FBXL7: variants seen among roughly 807,000 people sequenced by gnomAD.
The protein encoded by FBXL7 is F-box and leucine rich repeat protein 7, also known as F-box/LRR-repeat protein 7.
A neutral mutation model predicts 38.3 loss-of-function variants in FBXL7; 12 were observed. That is an observed-to-expected ratio of 0.31 (90% CI 0.20 to 0.51). The LOEUF (loss-of-function observed/expected upper bound fraction) is 0.51. Among genes scored for constraint, FBXL7 ranks in the 20% least tolerant of loss-of-function variants. FBXL7 has a pLI of 0.98. For synonymous variants in FBXL7, 297 were observed against 300.9 expected (o/e 0.99, Z 0.13); for missense variants, 567 against 676.4 (o/e 0.84, Z 1.79).
chr5:15,731,317 G>T (rs1735577372), intron 2 of FBXL7, among the ~76,000 whole-genome samples: 2 of 152,170 alleles, frequency 1.3e-5, no homozygotes, highest in Non-Finnish European at 1.5e-5. Context: ...GAAGGCAAGG[G>T]GGCATAAGTC....
chr5:15,712,637 G>A (rs909240974), intron 2 of FBXL7, among the ~76,000 whole-genome samples: 4 of 151,790 alleles, frequency 2.6e-5, no homozygotes, highest in African/African-American at 9.7e-5. Context: ...AAATTTCTAT[G>A]GAGCCTAGAG....
chr5:15,745,386 C>A (rs1254058925), intron 2 of FBXL7, among the ~76,000 whole-genome samples: 1 of 152,148 alleles, frequency 6.6e-6, no homozygotes, highest in East Asian at 1.9e-4. Flanking sequence ...GTTAGGCATT[C>A]TCTAGATGTG....
chr5:15,722,790 G>A (rs1315966651), intron 2 of FBXL7, among the ~76,000 whole-genome samples: 1 of 152,084 alleles, frequency 6.6e-6, no homozygotes, highest in Non-Finnish European at 1.5e-5. Flanking sequence ...CAGCGTGGTG[G>A]TGCATGCCTG....
At chr5:15,849,560 T>A (rs2126792469) in intron 2 of FBXL7, among the ~76,000 whole-genome samples, 1 of 152,348 alleles carries the variant, frequency 6.6e-6, no homozygotes, top group Non-Finnish European at 1.5e-5. Flanking sequence ...AAGTTCACTC[T>A]TGTCTGCCAC....
chr5:15,785,050 G>A (rs181530641), intron 2 of FBXL7, among the ~76,000 whole-genome samples: 10 of 152,280 alleles, frequency 6.6e-5, no homozygotes, highest in Admixed American at 5.9e-4. Flanking sequence ...CTGCAGCCTA[G>A]GGCATGATGA....
At chr5:15,616,132 C>A (rs1243740510) in intron 2 of FBXL7, 60 bp downstream of exon 2, 36 of 1,242,880 alleles carry the variant, frequency 2.9e-5, no homozygotes, top group Non-Finnish European at 3.8e-5. Context: ...ATTTTTGGAA[C>A]AGAAATAAAG....
intron 1 of FBXL7, among the ~76,000 whole-genome samples, chr5:15,576,122 G>T (rs1738959832): frequency 2.0e-5 from 2 of 97,810 alleles, no homozygotes; most frequent in Non-Finnish European, 3.7e-5. Context: ...TGCTCTTGTT[G>T]CCCAGGCTGG....
intron 2 of FBXL7, among the ~76,000 whole-genome samples, chr5:15,821,767 A>G (rs992497342): frequency 6.6e-6 from 1 of 152,168 alleles, no homozygotes; most frequent in African/African-American, 2.4e-5. Flanking sequence ...ATCCCCACCA[A>G]GCTCTACTTC....
chr5:15,681,151 A>G (rs1367405515), intron 2 of FBXL7, among the ~76,000 whole-genome samples: 1 of 152,202 alleles, frequency 6.6e-6, no homozygotes, highest in Admixed American at 6.5e-5. Flanking sequence ...CTGGAGGACA[A>G]TTTGACAACT....
At chr5:15,718,335 T>C (rs992193608) in intron 2 of FBXL7, among the ~76,000 whole-genome samples, 3 of 152,206 alleles carry the variant, frequency 2.0e-5, no homozygotes, top group Non-Finnish European at 4.4e-5. Flanking sequence ...CCAAAGGGTA[T>C]TTCCCTTCAT....
At chr5:15,801,629 G>A (rs1042249822) in intron 2 of FBXL7, among the ~76,000 whole-genome samples, 2 of 146,492 alleles carry the variant, frequency 1.4e-5, no homozygotes, top group Middle Eastern at 3.4e-3. Flanking sequence ...ATTGAAGGGG[G>A]AGTCAGTGTG....
intron 1 of FBXL7, among the ~76,000 whole-genome samples, chr5:15,563,551 T>A (rs1490626422): frequency 1.3e-5 from 2 of 152,074 alleles, no homozygotes; most frequent in Non-Finnish European, 2.9e-5. Flanking sequence ...CTCTCCTGTT[T>A]GAAACAATCC....
intron 2 of FBXL7, among the ~76,000 whole-genome samples, chr5:15,898,120 T>G (rs991884342): frequency 6.6e-6 from 1 of 152,270 alleles, no homozygotes; most frequent in East Asian, 1.9e-4. Flanking sequence ...TTGTTTAGTA[T>G]AGCTATTGCA....
chr5:15,772,544 C>G lies in FBXL7; in HGVS notation c.128-155346C>G, dbSNP rs138618811. On this transcript the variant is annotated intron_variant, in intron 2 of 3. Coordinates refer to ENST00000504595, the MANE Select transcript of FBXL7 (RefSeq NM_012304.5). ...TGGAGTCAGAGGTTTTACAGTCAGA[C>G]CCCCTGGTGCAGCCACAGAAGCTAT... Among the ~76,000 whole-genome samples the G allele has an allele frequency of 3.9e-5, 6 of 152,286 alleles. No individual in the cohort carries two copies. In the East Asian group the frequency reaches 1.2e-3, roughly 29 times the overall value.
intron 2 of FBXL7, among the ~76,000 whole-genome samples, chr5:15,739,625 C>T (rs1264228555): frequency 6.6e-6 from 1 of 152,148 alleles, no homozygotes; most frequent in African/African-American, 2.4e-5. Flanking sequence ...TGGACATTTG[C>T]TGTAAAAGGA....
intron 2 of FBXL7, among the ~76,000 whole-genome samples, chr5:15,875,447 A>G (rs531103048): frequency 1.3e-5 from 2 of 152,348 alleles, no homozygotes; most frequent in Admixed American, 1.3e-4. Context: ...AAAAGAAACT[A>G]TCATCAGAGT....
At chr5:15,546,670 G>A (rs1007953397) in intron 1 of FBXL7, among the ~76,000 whole-genome samples, 6 of 152,234 alleles carry the variant, frequency 3.9e-5, no homozygotes, top group Admixed American at 1.3e-4. Flanking sequence ...GGTGGAAGTT[G>A]CAGTGAGCTG....
intron 2 of FBXL7, among the ~76,000 whole-genome samples, chr5:15,837,048 A>T (rs144957859): frequency 1.3e-5 from 2 of 152,170 alleles, no homozygotes; most frequent in African/African-American, 4.8e-5. Flanking sequence ...ATAGAATTAC[A>T]TAGTATATGG....
chr5:15,665,223 C>A (rs543293206), intron 2 of FBXL7, among the ~76,000 whole-genome samples: 116 of 152,200 alleles, frequency 7.6e-4, no homozygotes, highest in African/African-American at 2.7e-3. Context: ...CCTTCCATAC[C>A]CCCCAATTTT....
Sources: gnomAD v4.1 joint callset for allele counts (sites outside exome capture counted in the v4.1 genomes callset) on GRCh38, gnomAD v4.1.1 for gene constraint, MANE v1.5 for transcripts, NCBI Gene and HGNC (gene_info 2026-07-23, HGNC 2026-07-21) for gene names.